Variants in IL1RL2 observed in about 807,000 individuals in gnomAD.
The protein encoded by IL1RL2 is interleukin-1 receptor-like 2.
In IL1RL2, 68 loss-of-function variants were observed where a neutral mutation model predicts 66.8. The observed-to-expected ratio is 1.02, with a 90% CI of 0.84 to 1.25. The LOEUF (loss-of-function observed/expected upper bound fraction) is 1.25. Among genes scored for constraint, IL1RL2 ranks in the 50% most tolerant of loss-of-function variants. The pLI is 0.00. For missense variants in IL1RL2, 729 were observed against 709.3 expected, an observed-to-expected ratio of 1.03 and a Z score of -0.32; for synonymous variants, 305 against 264.6, an observed-to-expected ratio of 1.15 and a Z score of -1.48.
chr2:102,242,123 C>G (rs891797768), downstream of IL1RL2, among the ~76,000 whole-genome samples: 2 of 152,172 alleles, frequency 1.3e-5, no homozygotes, highest in African/African-American at 4.8e-5. Flanking sequence ...GACATCCTGG[C>G]TATTCTGAAG....
intron 4 of IL1RL2, among the ~76,000 whole-genome samples, chr2:102,197,768 A>G (rs1687910067): frequency 1.3e-5 from 2 of 152,192 alleles, no homozygotes; most frequent in South Asian, 4.1e-4. Flanking sequence ...GGAGCTGAGT[A>G]TTCCACTTTA....
chr2:102,240,097 C>T (rs755436252), downstream of IL1RL2: 3 of 152,210 alleles, frequency 2.0e-5, no homozygotes, highest in Non-Finnish European at 2.9e-5. Flanking sequence ...AATCATCTGA[C>T]AATTAGCTTG....
At chr2:102,187,953 G>C in intron 2 of IL1RL2, 28 bp downstream of exon 2, 4 of 1,604,156 alleles carry the variant, frequency 2.5e-6, no homozygotes, top group Non-Finnish European at 3.4e-6. Flanking sequence ...TCCGTTCCCA[G>C]AGGCTGCCCG....
intron 5 of IL1RL2, among the ~76,000 whole-genome samples, chr2:102,202,379 T>G (rs1423614874): frequency 2.0e-5 from 3 of 151,328 alleles, no homozygotes; most frequent in African/African-American, 4.8e-5. Flanking sequence ...TACATAATAA[T>G]AGGTGTATTA....
In IL1RL2 at chr2:102,239,392, T is replaced by C; in HGVS notation, c.*151T>C. ...AGGCGTAGAGAAGAGGAGGATGGGA[T>C]AAGAACTGGGGCCATCCCCATGTCA... is the stretch of plus-strand genomic sequence containing the variant. On this transcript the variant is annotated 3_prime_UTR_variant, in exon 12 of 12. Transcript: ENST00000264257. 1 of 702,168 alleles carries C rather than the reference T, an allele frequency of 1.4e-6. No homozygotes were observed. Among genetic ancestry groups the C allele is most frequent in the South Asian group, 1.6e-5 (1 of 63,118 alleles). The allele number at this position is 702,168 out of a possible 1,614,324, so 43.5% of individuals were successfully genotyped here.
intron 4 of IL1RL2, 103 bp downstream of exon 4, chr2:102,192,223 G>A (rs3213734): frequency 0.14 from 98,321 of 725,258 alleles, 7,942 homozygotes; most frequent in Admixed American, 0.33. Flanking sequence ...GGTAAAGAAA[G>A]TTGTGTGCCT....
intron 4 of IL1RL2, among the ~76,000 whole-genome samples, chr2:102,197,594 A>G (rs1057048982): frequency 6.6e-6 from 1 of 152,198 alleles, no homozygotes; most frequent in Non-Finnish European, 1.5e-5. Flanking sequence ...TTGCTGAGTC[A>G]CCTACTGCTA....
chr2:102,216,134 T>G (rs1689595348), intron 6 of IL1RL2, among the ~76,000 whole-genome samples: 1 of 152,158 alleles, frequency 6.6e-6, no homozygotes, highest in Non-Finnish European at 1.5e-5. Context: ...AAGCAAATAA[T>G]TTAATGAAAT....
chr2:102,205,124 C>T (rs534805376), intron 5 of IL1RL2, among the ~76,000 whole-genome samples: 51 of 152,072 alleles, frequency 3.4e-4, no homozygotes, highest in African/African-American at 1.2e-3. Context: ...AACAAACAAG[C>T]AAAAAGAAAA....
chr2:102,224,906 GA>G (rs552709278), intron 8 of IL1RL2, among the ~76,000 whole-genome samples: 8 of 150,842 alleles, frequency 5.3e-5, no homozygotes, highest in East Asian at 1.9e-4. Flanking sequence ...TAGAGGCTCA[GA>G]AAAAAAAACC....
chr2:102,228,053 A>G (rs1417834055), intron 9 of IL1RL2, among the ~76,000 whole-genome samples: 1 of 152,186 alleles, frequency 6.6e-6, no homozygotes, highest in Non-Finnish European at 1.5e-5. Flanking sequence ...ATTCTGCAAC[A>G]GTGGGCAGAG....
At chr2:102,223,403 T>C (rs1450199093) in intron 8 of IL1RL2, among the ~76,000 whole-genome samples, 8 of 152,214 alleles carry the variant, frequency 5.3e-5, no homozygotes, top group Non-Finnish European at 1.0e-4. Flanking sequence ...CGCGTATTAC[T>C]TATGCTCACT....
At chr2:102,228,324 G>A (rs2104871142) in intron 9 of IL1RL2, among the ~76,000 whole-genome samples, 1 of 152,236 alleles carries the variant, frequency 6.6e-6, no homozygotes, top group African/African-American at 2.4e-5. Context: ...CCGATTAATG[G>A]ATGAAAATGA....
chr2:102,192,729 A>G (rs772060924), intron 4 of IL1RL2, among the ~76,000 whole-genome samples: 1 of 152,228 alleles, frequency 6.6e-6, no homozygotes, highest in Non-Finnish European at 1.5e-5. Context: ...ATGGAGGAGC[A>G]CAGGCTAGTC....
intron 4 of IL1RL2, among the ~76,000 whole-genome samples, chr2:102,198,767 T>C (rs1687993444): frequency 6.6e-6 from 1 of 152,198 alleles, no homozygotes; most frequent in South Asian, 2.1e-4. Context: ...TCATCTTCTG[T>C]GCTCGCTTTT....
At chr2:102,187,221 G>T in intron 1 of IL1RL2, 135 bp downstream of exon 1, 2 of 1,209,248 alleles carry the variant, frequency 1.7e-6, no homozygotes, top group Non-Finnish European at 2.1e-6. Context: ...GCCGGCCCCC[G>T]ACCGGCTAGG....
chr2:102,206,179 A>T (rs1272843234), intron 5 of IL1RL2, among the ~76,000 whole-genome samples: 1 of 152,108 alleles, frequency 6.6e-6, no homozygotes, highest in Non-Finnish European at 1.5e-5. Flanking sequence ...GCGTTTCCTC[A>T]ACACAGCTAT....
At chr2:102,215,604 G>C (rs1396076674) in intron 6 of IL1RL2, among the ~76,000 whole-genome samples, 1 of 151,962 alleles carries the variant, frequency 6.6e-6, no homozygotes, top group Non-Finnish European at 1.5e-5. Context: ...CCCTGCACCT[G>C]GCAAGACGAC....
intron 11 of IL1RL2, among the ~76,000 whole-genome samples, chr2:102,238,683 T>A (rs1187448796): frequency 2.6e-5 from 4 of 152,188 alleles, no homozygotes; most frequent in Non-Finnish European, 5.9e-5. Flanking sequence ...CAGAGGCTGT[T>A]CCAGATGAGG....
Sources: allele counts gnomAD v4.1 joint callset (sites outside exome capture counted in the v4.1 genomes callset), GRCh38; gene constraint gnomAD v4.1.1; transcripts MANE v1.5; gene names NCBI Gene and HGNC (gene_info 2026-07-23, HGNC 2026-07-21).